USP24: variants seen among roughly 807,000 people sequenced by gnomAD.
USP24 encodes the protein ubiquitin specific peptidase 24.
A neutral mutation model predicts 361.6 loss-of-function variants in USP24; 97 were observed. That is an observed-to-expected ratio of 0.27 (90% confidence interval 0.23 to 0.32). The LOEUF (loss-of-function observed/expected upper bound fraction) is 0.32, where lower values mean the gene tolerates loss of function less well. Ranked by LOEUF, USP24 falls within the 10% of genes least tolerant of loss-of-function variation. The pLI is 1.00. For synonymous variants in USP24, 1,098 were observed against 1,124.6 expected (o/e 0.98, Z 0.47); for missense variants, 2,353 against 3,165.6 (o/e 0.74, Z 6.16).
intron 41 of USP24, 60 bp downstream of exon 41, chr1:55,106,086 G>A: frequency 1.5e-6 from 2 of 1,300,368 alleles, no homozygotes; most frequent in Non-Finnish European, 2.2e-6. Context: ...AAATCTTTTG[G>A]GACTGAAGTT....
At position 55,167,873 on chromosome 1, in the gene USP24, C is replaced by T. The variant is rs1649045240; in HGVS notation, c.826-1270G>A. Among the ~76,000 whole-genome samples the T allele has an allele frequency of 2.0e-5, 3 of 152,124 alleles. No homozygotes were observed. The South Asian group carries it at 6.2e-4, about 32-fold the overall frequency. ...AAGGCTGGAGAGGCAAAATGAAATTCCATTTCAGACACACTAAGTTTGAGA... is the reference window on the plus strand; with the variant it reads ...AAGGCTGGAGAGGCAAAATGAAATTTCATTTCAGACACACTAAGTTTGAGA... On this transcript the variant is annotated intron_variant, in intron 5 of 67. Coordinates refer to ENST00000294383, the MANE Select transcript of USP24 (RefSeq NM_015306.3).
chr1:55,086,288 T>C (rs1645249818), intron 55 of USP24: 1 of 540,354 alleles, frequency 1.9e-6, no homozygotes, highest in African/African-American at 1.9e-5. Flanking sequence ...ATGAGAAAGT[T>C]TAAAAGATAA....
At chr1:55,096,907 G>A (rs1220869643) in intron 49 of USP24, 45 bp downstream of exon 49, 2 of 1,583,326 alleles carry the variant, frequency 1.3e-6, no homozygotes, top group South Asian at 1.1e-5. Flanking sequence ...ACGGAGAGCA[G>A]GGGAGGGCAG....
At chr1:55,104,513 A>G (rs1645721849) in intron 41 of USP24, among the ~76,000 whole-genome samples, 1 of 152,236 alleles carries the variant, frequency 6.6e-6, no homozygotes, top group South Asian at 2.1e-4. Flanking sequence ...CAATTCGTTT[A>G]AAGTGACACA....
rs371497813 is a variant in USP24 at position 55,165,856 on chromosome 1, C to T, written c.927+29G>A. 7 of 1,546,256 alleles carry T rather than the reference C, an allele frequency of 4.5e-6. No homozygotes were observed. The African/African-American group carries it at 9.7e-5, about 21-fold the overall frequency. ...CCAACTCAAGTGAAATGAATTTCCACAGTGAGCATATACAGTAGTTTAACT... is the reference window on the plus strand; with the variant it reads ...CCAACTCAAGTGAAATGAATTTCCATAGTGAGCATATACAGTAGTTTAACT... On this transcript the variant is annotated intron_variant, in intron 7 of 67. Transcript: ENST00000294383.
chr1:55,101,470 T>C (rs1165282), intron 43 of USP24, 114 bp downstream of exon 43: 1,205,943 of 1,408,756 alleles, frequency 0.86, 516,960 homozygotes, highest in East Asian at 0.99. Context: ...ACTAAAGAAT[T>C]GCAAGTTATG....
intron 35 of USP24, among the ~76,000 whole-genome samples, 198 bp downstream of exon 35, chr1:55,124,268 TTTC>T (rs771354587): frequency 1.3e-5 from 2 of 152,218 alleles, no homozygotes; most frequent in Admixed American, 6.5e-5. Context: ...TATAAATATT[TTTC>T]TTCTTAAGTG....
chr1:55,158,370 G>A (rs1184962597), intron 10 of USP24, among the ~76,000 whole-genome samples: 1 of 152,206 alleles, frequency 6.6e-6, no homozygotes, highest in Non-Finnish European at 1.5e-5. Flanking sequence ...GAAAAAATAA[G>A]TGAATTATAA....
At chr1:55,204,851 T>A (rs1347519516) in intron 1 of USP24, among the ~76,000 whole-genome samples, 1 of 152,228 alleles carries the variant, frequency 6.6e-6, no homozygotes, top group Non-Finnish European at 1.5e-5. Context: ...ATTTTCAGTA[T>A]AATGCCTATT....
At position 55,100,861 on chromosome 1, in the gene USP24, T is replaced by C. The variant is rs1460783971; in HGVS notation, c.5249A>G (p.Tyr1750Cys). 1 of 1,611,814 alleles carries C rather than the reference T, an allele frequency of 6.2e-7. No homozygotes were observed. ...TACCTTCCAAAAATTCTCAGGTACA[T>C]AGTACTGCAGCTTGCTTTCCATTAA... ...GHLMESKLQYYVPENFWKIFK... is the reference protein window; with the variant it reads ...GHLMESKLQYCVPENFWKIFK... The change falls in exon 44 of 68, where the codon TAT becomes TGT. Residue 1750 changes from tyrosine to cysteine, a missense_variant. By Grantham distance (194) the Tyr-to-Cys change is radical. This residue lies in a region of USP24 where 105 missense variants were observed against 200.3 expected (regional missense o/e 0.52). Coordinates refer to ENST00000294383, the MANE Select transcript of USP24 (RefSeq NM_015306.3).
rs377650319 is a variant in USP24, at chr1:55,097,971, G to A, written c.5567C>T (p.Ala1856Val). 1.4e-5 allele frequency: 23 copies of A among 1,610,978 alleles called. No individual in the cohort carries two copies. The African/African-American group carries it at 2.1e-4, about 15-fold the overall frequency. ...TTCTTTACACTTTTCACAGTAGTAC[G>A]CATTACTTCCTTCTAGAACTTCTCC... ...VRGEVLEGSN[A>V]YYCEKCKEKR... The change falls in exon 47 of 68, where the codon GCG becomes GTG. Residue 1856 changes from alanine (A) to valine (V), a missense_variant. Physicochemically the swap from Ala to Val is moderately conservative, Grantham distance 64. This residue lies in a region of USP24 where 105 missense variants were observed against 200.3 expected (regional missense o/e 0.52). Transcript: ENST00000294383.
At chr1:55,098,168 G>T (rs1012370109) in intron 46 of USP24, 84 bp from the exon 47 acceptor site, 1 of 1,391,520 alleles carries the variant, frequency 7.2e-7, no homozygotes, top group East Asian at 2.5e-5. Context: ...CTTGAACACA[G>T]AACTACATTT....
At chr1:55,162,872 A>G (rs986082209) in intron 7 of USP24, among the ~76,000 whole-genome samples, 1 of 152,164 alleles carries the variant, frequency 6.6e-6, no homozygotes, top group African/African-American at 2.4e-5. Flanking sequence ...AAAGAATGAT[A>G]CTGGGCAGAA....
intron 54 of USP24, among the ~76,000 whole-genome samples, chr1:55,090,712 C>G (rs1055945442): frequency 6.6e-6 from 1 of 152,202 alleles, no homozygotes; most frequent in African/African-American, 2.4e-5. Flanking sequence ...ACTCTTCATT[C>G]TTCACTCATT....
intron 58 of USP24, among the ~76,000 whole-genome samples, chr1:55,082,984 G>C (rs1645181082): frequency 6.6e-6 from 1 of 151,674 alleles, no homozygotes. Context: ...AGAGGAAGTA[G>C]AAGACCCCAA....
intron 67 of USP24, 61 bp downstream of exon 67, chr1:55,071,753 T>G (rs991302764): frequency 1.3e-6 from 2 of 1,504,490 alleles, no homozygotes; most frequent in African/African-American, 2.7e-5. Context: ...GTGGAAATTC[T>G]TTTTGGAAAG....
chr1:55,159,967 C>A (rs1427680522), intron 8 of USP24, among the ~76,000 whole-genome samples: 1 of 152,172 alleles, frequency 6.6e-6, no homozygotes, highest in Non-Finnish European at 1.5e-5. Context: ...CACAGTCTAA[C>A]TTTTAAAACA....
chr1:55,070,206 C>T (rs1179457281), intron 67 of USP24, among the ~76,000 whole-genome samples: 2 of 152,074 alleles, frequency 1.3e-5, no homozygotes, highest in Admixed American at 6.5e-5. Context: ...CTGGGCACAT[C>T]GAGTCTGAGG....
chr1:55,193,807 G>T (rs1403668375), intron 1 of USP24, among the ~76,000 whole-genome samples: 1 of 151,940 alleles, frequency 6.6e-6, no homozygotes, highest in Admixed American at 6.6e-5. Context: ...TTTTTTACAT[G>T]AGCAAACAAA....
Sources: allele counts gnomAD v4.1 joint callset (sites outside exome capture counted in the v4.1 genomes callset), GRCh38; gene constraint gnomAD v4.1.1; regional missense constraint gnomAD v4.1.1; transcripts MANE v1.5; gene names NCBI Gene and HGNC (gene_info 2026-07-23, HGNC 2026-07-21).